Variants in KCNK10 observed in about 807,000 individuals in gnomAD.
KCNK10 encodes the protein potassium two pore domain channel subfamily K member 10, also known as potassium channel subfamily K member 10.
A neutral mutation model predicts 47.7 loss-of-function variants in KCNK10; 25 were observed. The observed-to-expected ratio is 0.52, with a 90% CI of 0.38 to 0.73. The LOEUF (loss-of-function observed/expected upper bound fraction) is 0.73, where lower values mean the gene tolerates loss of function less well. KCNK10 is among the 30% of genes least tolerant of loss of function. The pLI is 0.00. For missense variants in KCNK10, 563 were observed against 714.5 expected (o/e 0.79, Z 2.42); for synonymous variants, 303 against 285.6 (o/e 1.06, Z -0.61).
intron 1 of KCNK10, among the ~76,000 whole-genome samples, chr14:88,266,554 G>C (rs561437878): frequency 6.6e-6 from 1 of 152,182 alleles, no homozygotes; most frequent in Admixed American, 6.5e-5. Context: ...CATAGTGCCT[G>C]GCATAGAGCA....
Position 88,215,874 on chromosome 14 carries a change from G to T in KCNK10, c.681+11501C>A, listed in dbSNP as rs182414169. Among the ~76,000 whole-genome samples the T allele has an allele frequency of 4.2e-3, 632 of 152,256 alleles. 3 individuals are homozygous for T. The highest frequency in any genetic ancestry group is 0.015 in the African/African-American group (622 of 41,552). On this transcript the variant is annotated intron_variant, in intron 4 of 6. Transcript: ENST00000319231. Reference sequence around the variant, plus strand: ...AGGCAATGTTTGATATCTTTACTGTGCATAGAAAAGAGTGAAGATGCACTT... The same window carrying T: ...AGGCAATGTTTGATATCTTTACTGTTCATAGAAAAGAGTGAAGATGCACTT...
intron 1 of KCNK10, among the ~76,000 whole-genome samples, chr14:88,317,193 T>C (rs1888445332): frequency 6.6e-6 from 1 of 152,232 alleles, no homozygotes; most frequent in African/African-American, 2.4e-5. Context: ...TTTGGAACAC[T>C]GATCTCCTGA....
rs116049838 is a variant in KCNK10 at position 88,298,435 on chromosome 14, T to C, written c.52+24312A>G. Among the ~76,000 whole-genome samples, 853 of 152,294 alleles carry C rather than the reference T, an allele frequency of 5.6e-3. 7 individuals are homozygous for C. The highest frequency in any genetic ancestry group is 0.02 in the African/African-American group (820 of 41,560). On this transcript the variant is annotated intron_variant, in intron 1 of 6. Coordinates refer to ENST00000319231, the MANE Select transcript of KCNK10 (RefSeq NM_138317.3). ...CATCCATCACCTACTGGAACTGCGATCATTATCTTCTTTCCCCTACCATAC... is the reference window on the plus strand; with the variant it reads ...CATCCATCACCTACTGGAACTGCGACCATTATCTTCTTTCCCCTACCATAC...
At chr14:88,206,486 CT>C (rs1283665635) in intron 4 of KCNK10, among the ~76,000 whole-genome samples, 1 of 152,208 alleles carries the variant, frequency 6.6e-6, no homozygotes, top group Admixed American at 6.5e-5. Flanking sequence ...TTGTTTGCAT[CT>C]TTTCAAAGTT....
chr14:88,318,575 C>T (rs1019447136), intron 1 of KCNK10, among the ~76,000 whole-genome samples: 4 of 152,180 alleles, frequency 2.6e-5, no homozygotes, highest in African/African-American at 9.7e-5. Flanking sequence ...ATTCAAATGA[C>T]AGAAAGGAGC....
chr14:88,224,012 C>A (rs1005981738), intron 4 of KCNK10, among the ~76,000 whole-genome samples: 2 of 119,360 alleles, frequency 1.7e-5, no homozygotes, highest in East Asian at 5.3e-4. Flanking sequence ...GAAATCCCAT[C>A]TCCACTTAAA....
intron 1 of KCNK10, among the ~76,000 whole-genome samples, chr14:88,299,433 T>C (rs1030790614): frequency 5.9e-5 from 9 of 152,246 alleles, no homozygotes; most frequent in Non-Finnish European, 1.0e-4. Flanking sequence ...GACTGCATCA[T>C]ATGTTCATCT....
intron 1 of KCNK10, among the ~76,000 whole-genome samples, chr14:88,307,981 G>C (rs770367242): frequency 1.3e-5 from 2 of 152,034 alleles, no homozygotes; most frequent in Non-Finnish European, 2.9e-5. Flanking sequence ...TATCATTTCC[G>C]GTTCTCAAGT....
intron 3 of KCNK10, among the ~76,000 whole-genome samples, chr14:88,237,173 CAGATTCCATCTCA>C (rs1177952855): frequency 1.3e-5 from 2 of 152,216 alleles, no homozygotes; most frequent in Non-Finnish European, 2.9e-5. Flanking sequence ...CAGGCAGGAG[CAGATTCCATCTCA>C]AGAAATCACT....
At chr14:88,224,329 C>T (rs1885916526) in intron 4 of KCNK10, among the ~76,000 whole-genome samples, 1 of 152,214 alleles carries the variant, frequency 6.6e-6, no homozygotes, top group Admixed American at 6.5e-5. Flanking sequence ...ATTCTCTGAT[C>T]AGCTTATAAG....
intron 4 of KCNK10, among the ~76,000 whole-genome samples, chr14:88,225,967 G>T (rs952232097): frequency 6.6e-6 from 1 of 152,220 alleles, no homozygotes; most frequent in African/African-American, 2.4e-5. Flanking sequence ...CAGCATGAAG[G>T]AGCAAAGGCT....
chr14:88,227,785 T>G (rs1021859697), intron 3 of KCNK10, among the ~76,000 whole-genome samples: 1 of 152,220 alleles, frequency 6.6e-6, no homozygotes, highest in African/African-American at 2.4e-5. Context: ...CTCAGAACTT[T>G]CATTTTCATT....
At chr14:88,273,950 A>T (rs1887468187) in intron 1 of KCNK10, among the ~76,000 whole-genome samples, 1 of 152,080 alleles carries the variant, frequency 6.6e-6, no homozygotes, top group African/African-American at 2.4e-5. Flanking sequence ...AGGGTTTTAA[A>T]TCTTATTGTC....
chr14:88,300,873 A>G (rs1354333740), intron 1 of KCNK10, among the ~76,000 whole-genome samples: 2 of 152,220 alleles, frequency 1.3e-5, no homozygotes, highest in African/African-American at 2.4e-5. Context: ...TAAATAAATA[A>G]GAAATCATTT....
At position 88,227,534 on chromosome 14, in the gene KCNK10, C is replaced by A. The variant is rs115002573; in HGVS notation, c.522G>T (p.Gly174=). 997 of 1,591,476 alleles carry A rather than the reference C, an allele frequency of 6.3e-4. 5 individuals are homozygous for A. In the African/African-American group the frequency reaches 0.011, roughly 18 times the overall value. ...CAGTGCTCGGAGCAATATTCCCATA[C>A]CCTGGTGAGAAATATGAAAAAGAGG... ...FFAGTVITTI[G]YGNIAPSTEG... The change falls in exon 4 of 7, where the codon GGG becomes GGT. Residue 174 remains glycine, a splice_region_variant and synonymous_variant. Coordinates refer to ENST00000319231, the MANE Select transcript of KCNK10 (RefSeq NM_138317.3).
At chr14:88,227,954 C>T (rs773957135) in intron 3 of KCNK10, among the ~76,000 whole-genome samples, 4 of 152,098 alleles carry the variant, frequency 2.6e-5, no homozygotes, top group Non-Finnish European at 5.9e-5. Flanking sequence ...CCACCTGGAC[C>T]GACTGTGGCT....
At chr14:88,294,714 T>C (rs1354450696) in intron 1 of KCNK10, among the ~76,000 whole-genome samples, 2 of 152,154 alleles carry the variant, frequency 1.3e-5, no homozygotes, top group Non-Finnish European at 2.9e-5. Flanking sequence ...AAAATACAAA[T>C]TCCAGCAGCA....
intron 1 of KCNK10, among the ~76,000 whole-genome samples, chr14:88,303,792 T>TA (rs1231923944): frequency 1.3e-5 from 2 of 152,166 alleles, no homozygotes; most frequent in Non-Finnish European, 2.9e-5. Context: ...TTCTTTTTTT[T>TA]ATCAATGATG....
intron 4 of KCNK10, among the ~76,000 whole-genome samples, chr14:88,198,902 T>TTTATTTTA (rs1885009805): frequency 6.9e-6 from 1 of 145,668 alleles, no homozygotes; most frequent in Non-Finnish European, 1.5e-5. Context: ...CTTATTTTAT[T>TTTATTTTA]TTATTTTATT....
Sources: gnomAD v4.1 joint callset for allele counts (sites outside exome capture counted in the v4.1 genomes callset) on GRCh38, gnomAD v4.1.1 for gene constraint, MANE v1.5 for transcripts, NCBI Gene and HGNC (gene_info 2026-07-23, HGNC 2026-07-21) for gene names.